The following GRID1 variants were observed in gnomAD, a reference collection of about 807,000 sequenced individuals.
GRID1 encodes glutamate ionotropic receptor delta type subunit 1.
A neutral mutation model predicts 98.0 loss-of-function variants in GRID1; 28 were observed. That is an observed-to-expected ratio of 0.29 (90% confidence interval 0.21 to 0.39). GRID1 has a LOEUF of 0.39. Ranked by LOEUF, GRID1 falls within the 10% of genes least tolerant of loss-of-function variation. GRID1 has a pLI of 1.00. For synonymous variants in GRID1, 553 were observed against 538.5 expected (o/e 1.03, Z -0.37); for missense variants, 1,111 against 1,340.5 (o/e 0.83, Z 2.67).
intron 3 of GRID1, among the ~76,000 whole-genome samples, chr10:86,139,558 T>C (rs577202296): frequency 6.6e-6 from 1 of 152,298 alleles, no homozygotes; most frequent in South Asian, 2.1e-4. Context: ...CCAGCCTGCA[T>C]CATGGCACCC....
intron 4 of GRID1, among the ~76,000 whole-genome samples, chr10:85,937,849 C>A (rs76088982): frequency 1.3e-5 from 2 of 152,240 alleles, no homozygotes; most frequent in South Asian, 2.1e-4. Flanking sequence ...AAGTGCCCAG[C>A]CCAGAATTCC....
At chr10:85,901,277 G>A (rs981173870) in intron 5 of GRID1, among the ~76,000 whole-genome samples, 7 of 145,906 alleles carry the variant, frequency 4.8e-5, no homozygotes, top group Admixed American at 2.7e-4. Flanking sequence ...ACAGAGTCTC[G>A]CTCTGTCGCC....
chr10:86,357,240 A>G (rs1270416080), intron 2 of GRID1, among the ~76,000 whole-genome samples: 1 of 152,214 alleles, frequency 6.6e-6, no homozygotes, highest in Non-Finnish European at 1.5e-5. Flanking sequence ...GAGGGCTCAG[A>G]GAGCCTAGCT....
At chr10:86,012,741 T>C (rs1018972784) in intron 4 of GRID1, among the ~76,000 whole-genome samples, 2 of 152,182 alleles carry the variant, frequency 1.3e-5, no homozygotes, top group African/African-American at 4.8e-5. Flanking sequence ...CCTTCTGCCA[T>C]GTGACAACTC....
chr10:85,879,146 G>A (rs1364186968), intron 5 of GRID1, among the ~76,000 whole-genome samples: 21 of 152,088 alleles, frequency 1.4e-4, no homozygotes, highest in Middle Eastern at 6.8e-3. Flanking sequence ...CTACAAAGAG[G>A]CTTAGACTCC....
At chr10:86,283,856 CCT>C (rs1200269277) in intron 2 of GRID1, among the ~76,000 whole-genome samples, 1 of 151,088 alleles carries the variant, frequency 6.6e-6, no homozygotes, top group African/African-American at 2.4e-5. Flanking sequence ...ACACACCTGT[CCT>C]CTCACACACA....
At chr10:86,031,479 A>G (rs867773121) in intron 4 of GRID1, among the ~76,000 whole-genome samples, 44 of 152,220 alleles carry the variant, frequency 2.9e-4, no homozygotes, top group African/African-American at 1.2e-4. Flanking sequence ...CTTAGGTGAC[A>G]GGATCATTAG....
At chr10:85,808,902 T>C (rs906724726) in intron 8 of GRID1, among the ~76,000 whole-genome samples, 6 of 151,962 alleles carry the variant, frequency 3.9e-5, no homozygotes, top group Non-Finnish European at 8.8e-5. Context: ...AATTAAGACC[T>C]TAAAAGGTAA....
chr10:86,283,427 C>A (rs1847383091), intron 2 of GRID1, among the ~76,000 whole-genome samples: 1 of 152,124 alleles, frequency 6.6e-6, no homozygotes, highest in Admixed American at 6.5e-5. Context: ...AAGGATTCAG[C>A]AGGACCAAGC....
Position 86,195,127 on chromosome 10 carries a change from C to T in GRID1, c.520+11237G>A, listed in dbSNP as rs1202999523. 2.0e-5 allele frequency among the ~76,000 whole-genome samples: 3 copies of T among 152,114 alleles called. No homozygotes were observed. The highest frequency in any genetic ancestry group is 7.2e-5 in the African/African-American group (3 of 41,446). On this transcript the variant is annotated intron_variant, in intron 3 of 15. Coordinates refer to ENST00000327946, the MANE Select transcript of GRID1 (RefSeq NM_017551.3). The surrounding 1 kb of genome is among the most constrained non-coding windows in gnomAD (Gnocchi z 4.4). ...GCTTAGGCAGAGGCAAGTCCTATCC[C>T]TACCCTTCCAGGAATGGTAAGTTCC...
At chr10:85,822,218 A>G (rs974723041) in intron 8 of GRID1, among the ~76,000 whole-genome samples, 3 of 152,234 alleles carry the variant, frequency 2.0e-5, no homozygotes, top group African/African-American at 7.2e-5. Flanking sequence ...GCTTCTGCAC[A>G]GCAAAACAAA....
rs12773633 is a variant in GRID1 at position 86,041,808 on chromosome 10, C to G, written c.726+97011G>C. Among the ~76,000 whole-genome samples the G allele has an allele frequency of 3.9e-5, 6 of 152,212 alleles. No individual in the cohort carries two copies. In the South Asian group the frequency reaches 1.2e-3, roughly 32 times the overall value. On this transcript the variant is annotated intron_variant, in intron 4 of 15. Transcript: ENST00000327946. ...CAGCTTTGTCATCTGAAAGGAGGAG[C>G]GTGAGTGTAGAGCTGCCTGCTGGAG...
intron 4 of GRID1, among the ~76,000 whole-genome samples, chr10:86,065,868 G>T (rs1025117275): frequency 1.3e-5 from 2 of 152,216 alleles, no homozygotes; most frequent in African/African-American, 4.8e-5. Flanking sequence ...CCTTCTAGAT[G>T]TGAGGGGCTA....
At chr10:85,963,603 G>T (rs547268437) in intron 4 of GRID1, among the ~76,000 whole-genome samples, 2 of 152,166 alleles carry the variant, frequency 1.3e-5, no homozygotes, top group Non-Finnish European at 2.9e-5. Context: ...TTCCAAAGCA[G>T]CTTCCCAAAT....
At chr10:85,804,802 A>T (rs149123357) in intron 8 of GRID1, among the ~76,000 whole-genome samples, 29 of 151,924 alleles carry the variant, frequency 1.9e-4, no homozygotes, top group African/African-American at 6.3e-4. Flanking sequence ...AGCAACAAAA[A>T]AACTGGATAA....
chr10:86,122,918 C>T (rs959248000), intron 4 of GRID1, among the ~76,000 whole-genome samples: 1 of 152,156 alleles, frequency 6.6e-6, no homozygotes, highest in Non-Finnish European at 1.5e-5. Flanking sequence ...AGTGCCCTGC[C>T]GTGCAGGCCT....
intron 4 of GRID1, among the ~76,000 whole-genome samples, chr10:86,027,539 A>C (rs1438437224): frequency 6.6e-6 from 1 of 152,200 alleles, no homozygotes; most frequent in African/African-American, 2.4e-5. Context: ...GGCTGTTGTG[A>C]ACAGTGCTGC....
At chr10:85,906,858 GA>G (rs544428298) in intron 5 of GRID1, among the ~76,000 whole-genome samples, 59 of 151,792 alleles carry the variant, frequency 3.9e-4, no homozygotes, top group African/African-American at 1.4e-3. Flanking sequence ...ACAGAAAAAA[GA>G]AAATAAGGAA....
intron 4 of GRID1, among the ~76,000 whole-genome samples, chr10:85,925,625 C>A (rs938686152): frequency 1.3e-5 from 2 of 152,198 alleles, no homozygotes; most frequent in African/African-American, 4.8e-5. Context: ...CATACTGGAG[C>A]TTGAGAAGCT....
Sources: allele counts gnomAD v4.1 joint callset (sites outside exome capture counted in the v4.1 genomes callset), GRCh38; gene constraint gnomAD v4.1.1; non-coding constraint Gnocchi (gnomAD v3.1); transcripts MANE v1.5; gene names NCBI Gene and HGNC (gene_info 2026-07-23, HGNC 2026-07-21).